The following RPH3AL variants were observed in gnomAD, a reference collection of about 807,000 sequenced individuals.
The protein encoded by RPH3AL is rabphilin 3A like (without C2 domains), also known as rab effector Noc2.
A neutral mutation model predicts 43.1 loss-of-function variants in RPH3AL; 38 were observed. That is an observed-to-expected ratio of 0.88 (90% CI 0.68 to 1.15). RPH3AL has a LOEUF of 1.15. Ranked by LOEUF, RPH3AL falls within the 50% of genes most tolerant of loss-of-function variation. The pLI is 0.00. For synonymous variants in RPH3AL, 189 were observed against 176.3 expected (o/e 1.07, Z -0.57); for missense variants, 462 against 423.2 (o/e 1.09, Z -0.81).
At position 264,853 on chromosome 17, in the gene RPH3AL, AC is replaced by A. The variant is rs2042283664; in HGVS notation, c.438+16914del. On this transcript the variant is annotated intron_variant, in intron 6 of 9. Coordinates refer to ENST00000331302, the MANE Select transcript of RPH3AL (RefSeq NM_006987.4). This position sits in a 1 kb window ranked among gnomAD's most constrained non-coding sequence, Gnocchi z 4.8. Reference sequence around the variant, plus strand: ...ATCTCAAGAATGGGGAACTCGTGGTACCTGAAAATTCACAGTGGTCAATGCA... The same window carrying A: ...ATCTCAAGAATGGGGAACTCGTGGTACTGAAAATTCACAGTGGTCAATGCA... Among the ~76,000 whole-genome samples, 1 of 152,240 alleles carries A rather than the reference AC, an allele frequency of 6.6e-6. No homozygotes were observed. The highest frequency in any genetic ancestry group is 6.5e-5 in the Admixed American group (1 of 15,292).
chr17:236,280 C>T (rs1189588057), intron 7 of RPH3AL, among the ~76,000 whole-genome samples: 1 of 152,200 alleles, frequency 6.6e-6, no homozygotes, highest in Non-Finnish European at 1.5e-5. Flanking sequence ...AGATGCAAAA[C>T]ACTCAGTTCT....
chr17:219,046 C>T lies in RPH3AL; in HGVS notation c.727+577G>A, dbSNP rs532698609. Among the ~76,000 whole-genome samples the T allele has an allele frequency of 3.1e-3, 473 of 152,210 alleles. 4 individuals carry two copies. Among genetic ancestry groups the T allele is most frequent in the African/African-American group, 0.011 (455 of 41,520 alleles). ...TCCTGTCCTTTGCCTGCCCTCCTCACCCTGCTGTGTGTACAGAAGAGCCTC... is the reference window on the plus strand; with the variant it reads ...TCCTGTCCTTTGCCTGCCCTCCTCATCCTGCTGTGTGTACAGAAGAGCCTC... On this transcript the variant is annotated intron_variant, in intron 8 of 9. Transcript: ENST00000331302.
At chr17:258,950 A>G (rs1555545403) in intron 6 of RPH3AL, among the ~76,000 whole-genome samples, 2 of 152,024 alleles carry the variant, frequency 1.3e-5, no homozygotes, top group South Asian at 2.1e-4. Context: ...TGAACTATCA[A>G]AAAAGCCCGT....
intron 5 of RPH3AL, among the ~76,000 whole-genome samples, chr17:286,462 G>C (rs2042915095): frequency 1.3e-5 from 2 of 152,206 alleles, no homozygotes; most frequent in East Asian, 3.8e-4. Context: ...GTTCCTAAGA[G>C]GCGAGGGCTA....
intron 7 of RPH3AL, among the ~76,000 whole-genome samples, chr17:222,381 T>A (rs1429695424): frequency 1.3e-5 from 2 of 152,224 alleles, no homozygotes; most frequent in Non-Finnish European, 2.9e-5. Flanking sequence ...CCAGCAGGCC[T>A]GGGCTCTCAT....
At chr17:309,577 T>A (rs185213951) in intron 5 of RPH3AL, among the ~76,000 whole-genome samples, 604 of 26,212 alleles carry the variant, frequency 0.023, 52 homozygotes, top group East Asian at 0.073. Flanking sequence ...TCCCCTGCCC[T>A]GCCCCAGGCT....
intron 1 of RPH3AL, among the ~76,000 whole-genome samples, chr17:338,150 G>T (rs2045010642): frequency 6.6e-6 from 1 of 152,198 alleles, no homozygotes; most frequent in South Asian, 2.1e-4. Context: ...GGCAGTCACA[G>T]AGCTGAAGGT....
rs767553978 is a variant in RPH3AL, at chr17:322,430, T to C, written c.78-1015A>G. ...ATATGGTGGGGGTGGCAGATGCCAATCAATGACACAGATACCTATTTAACT... is the reference window on the plus strand; with the variant it reads ...ATATGGTGGGGGTGGCAGATGCCAACCAATGACACAGATACCTATTTAACT... On this transcript the variant is annotated intron_variant, in intron 3 of 9. Transcript: ENST00000331302. This position sits in a 1 kb window ranked among gnomAD's most constrained non-coding sequence, Gnocchi z 4.0. 6.6e-6 allele frequency: 1 copy of C among 152,186 alleles called. No individual in the cohort carries two copies. The highest frequency in any genetic ancestry group is 1.5e-5 in the Non-Finnish European group (1 of 68,062). The allele number at this position is 152,186 out of a possible 1,614,324, so 9.4% of individuals were successfully genotyped here.
chr17:297,774 C>T (rs2043218541), intron 5 of RPH3AL, among the ~76,000 whole-genome samples: 1 of 152,226 alleles, frequency 6.6e-6, no homozygotes, highest in African/African-American at 2.4e-5. Flanking sequence ...ATCCCCTTCC[C>T]TAGAATCTGG....
intron 7 of RPH3AL, among the ~76,000 whole-genome samples, chr17:232,887 T>TGTGTGTGTG (rs1567568845): frequency 4.7e-5 from 6 of 128,998 alleles, no homozygotes; most frequent in African/African-American, 6.0e-5. Flanking sequence ...TGTGTGTGTG[T>TGTGTGTGTG]TGGCTTCTAT....
At chr17:237,241 T>G (rs910043486) in intron 7 of RPH3AL, among the ~76,000 whole-genome samples, 1 of 152,250 alleles carries the variant, frequency 6.6e-6, no homozygotes, top group Non-Finnish European at 1.5e-5. Flanking sequence ...GTTTGGAATT[T>G]GTAAAATCTG....
chr17:277,405 T>A (rs2042679141), intron 6 of RPH3AL, among the ~76,000 whole-genome samples: 1 of 152,220 alleles, frequency 6.6e-6, no homozygotes, highest in African/African-American at 2.4e-5. Flanking sequence ...CCATATTAAT[T>A]TTATAATCAG....
intron 2 of RPH3AL, chr17:332,945 C>A: frequency 1.7e-6 from 2 of 1,143,202 alleles, no homozygotes; most frequent in East Asian, 5.8e-5. Context: ...GTACAGGGAA[C>A]GGAACAGGAG....
chr17:247,379 G>A (rs2041132366), intron 6 of RPH3AL, 94 bp from the exon 7 acceptor site: 2 of 1,307,408 alleles, frequency 1.5e-6, no homozygotes, highest in African/African-American at 1.5e-5. Context: ...GACGCGGAGA[G>A]CTAGGAGCAG....
At chr17:221,384 A>G in intron 7 of RPH3AL, among the ~76,000 whole-genome samples, 1 of 143,602 alleles carries the variant, frequency 7.0e-6, no homozygotes, top group Non-Finnish European at 1.5e-5. Flanking sequence ...TCACTGAGAC[A>G]ACAGACCCAA....
chr17:217,085 C>T (rs1014789179), intron 8 of RPH3AL, among the ~76,000 whole-genome samples: 2 of 144,592 alleles, frequency 1.4e-5, no homozygotes, highest in South Asian at 2.4e-4. Context: ...ATTACAGAGC[C>T]CTTCTTCTGC....
intron 5 of RPH3AL, among the ~76,000 whole-genome samples, chr17:282,696 C>G (rs1050662387): frequency 1.3e-5 from 2 of 152,194 alleles, no homozygotes; most frequent in Non-Finnish European, 2.9e-5. Context: ...ATTGTGCAAA[C>G]AGCACATAGA....
rs112201910 is a variant in RPH3AL at position 282,092 on chromosome 17, C to G, written c.352-238G>C. 1.1e-4 allele frequency among the ~76,000 whole-genome samples: 16 copies of G among 152,280 alleles called. 1 individual carries two copies. Among genetic ancestry groups the G allele is most frequent in the African/African-American group, 3.9e-4 (16 of 41,556 alleles). ...ACCCCAGAGTTAGGTTCTGTTGGAA[C>G]CACAGCAAAGCTTGCTGACATTCAC... On this transcript the variant is annotated intron_variant, in intron 5 of 9. Transcript: ENST00000331302.
chr17:315,343 CCT>C (rs1296126162), intron 5 of RPH3AL, among the ~76,000 whole-genome samples: 7,351 of 143,162 alleles, frequency 0.051, 127 homozygotes, highest in African/African-American at 0.16. Context: ...ACCTGTAGTC[CCT>C]GTGACTCCAC....
Sources: allele counts gnomAD v4.1 joint callset (sites outside exome capture counted in the v4.1 genomes callset), GRCh38; gene constraint gnomAD v4.1.1; non-coding constraint Gnocchi (gnomAD v3.1); transcripts MANE v1.5; gene names NCBI Gene and HGNC (gene_info 2026-07-23, HGNC 2026-07-21).